The following OSR1 variants were observed in gnomAD, a reference collection of about 807,000 sequenced individuals.
OSR1 encodes protein odd-skipped-related 1.
In OSR1, 3 loss-of-function variants were observed where a neutral mutation model predicts 15.7. That is an observed-to-expected ratio of 0.19 (90% confidence interval 0.09 to 0.50). OSR1 has a LOEUF of 0.50. OSR1 is among the 20% of genes least tolerant of loss of function. The pLI is 0.97. For synonymous variants in OSR1, 166 were observed against 152.7 expected, an observed-to-expected ratio of 1.09 and a Z score of -0.64; for missense variants, 271 against 351.1, an observed-to-expected ratio of 0.77 and a Z score of 1.82.
Position 19,352,419 on chromosome 2 carries a change from A to C in OSR1, c.666-9T>G. The C allele has an allele frequency of 6.2e-7, 1 of 1,613,852 alleles. No individual in the cohort carries two copies. The highest frequency in any genetic ancestry group is 8.5e-7 in the Non-Finnish European group (1 of 1,179,820). ...CTTTGGAGTGAATATATCTGAGGGC[A>C]GAAACAGAGAGTTCATCCTTGCAAA... On this transcript the variant is annotated splice_polypyrimidine_tract_variant and intron_variant, in intron 2 of 2. Coordinates refer to ENST00000272223, the MANE Select transcript of OSR1 (RefSeq NM_145260.3).
intron 2 of OSR1, 89 bp from the exon 3 acceptor site, chr2:19,352,499 C>T: frequency 1.4e-6 from 2 of 1,475,164 alleles, no homozygotes; most frequent in Non-Finnish European, 1.9e-6. Flanking sequence ...CTGTGGGGCA[C>T]TTGCCCTCAA....
chr2:19,356,470 T>C (rs1056668497), intron 1 of OSR1: 18 of 152,174 alleles, frequency 1.2e-4, no homozygotes, highest in African/African-American at 4.1e-4. Context: ...TTTACACTAG[T>C]ATCAAGAATG....
In OSR1 at chr2:19,357,246, C is replaced by T. The variant is rs552942670; in HGVS notation, c.-33+1095G>A. Among the ~76,000 whole-genome samples the T allele has an allele frequency of 4.5e-4, 69 of 152,336 alleles. No individual in the cohort carries two copies. The highest frequency in any genetic ancestry group is 1.6e-3 in the African/African-American group (68 of 41,578). On this transcript the variant is annotated intron_variant, in intron 1 of 2. Coordinates refer to ENST00000272223, the MANE Select transcript of OSR1 (RefSeq NM_145260.3). The surrounding 1 kb of genome is among the most constrained non-coding windows in gnomAD (Gnocchi z 5.0). The stretch of plus-strand genomic sequence containing the variant: ...GCCGCCGGTCGCTGCTAGTCCCCTC[C>T]AGCGCTTCTCTTCCCTAGGGGGTTG...
In OSR1 at chr2:19,353,126, C is replaced by T. The variant is rs757243008; in HGVS notation, c.665+15G>A. On this transcript the variant is annotated intron_variant, in intron 2 of 2. Transcript: ENST00000272223. Reference sequence around the variant, plus strand: ...AGGCAGAGAGCTCTCTCTTGCGCCACCCGCAGTGCCGCACCTGTGGTCTCG... The same window carrying T: ...AGGCAGAGAGCTCTCTCTTGCGCCATCCGCAGTGCCGCACCTGTGGTCTCG... The T allele has an allele frequency of 8.1e-6, 13 of 1,611,278 alleles. No homozygotes were observed. The Admixed American group carries it at 1.5e-4, about 19-fold the overall frequency.
downstream of OSR1, among the ~76,000 whole-genome samples, chr2:19,349,884 A>G (rs1339995698): frequency 6.6e-6 from 1 of 152,172 alleles, no homozygotes; most frequent in African/African-American, 2.4e-5. Flanking sequence ...GAAACCAAGG[A>G]AGATTCTGCA....
intron 1 of OSR1, chr2:19,355,120 T>C (rs1664923709): frequency 1.3e-5 from 2 of 152,278 alleles, no homozygotes; most frequent in Admixed American, 1.3e-4. Flanking sequence ...GAGCAAAGTC[T>C]AAACTGTCAG....
rs771630452 is a variant in OSR1, at chr2:19,353,209, G to A, written c.597C>T (p.Asp199=). The change falls in exon 2 of 3, where the codon GAC becomes GAT. Residue 199 remains aspartate (D), a synonymous_variant. Transcript: ENST00000272223. ...AGATGTCACAGGTGTAGGGCCGCTC[G>A]TCGGTGTGCGTCCGCTCATGGATAA... The part of the protein sequence containing the change: ...NLLIHERTHT[D]ERPYTCDICH... The A allele has an allele frequency of 1.9e-6, 3 of 1,614,256 alleles. No homozygotes were observed. Among genetic ancestry groups the A allele is most frequent in the Admixed American group, 1.7e-5 (1 of 60,030 alleles).
chr2:19,348,696 G>C (rs1306380395), downstream of OSR1, among the ~76,000 whole-genome samples: 1 of 152,084 alleles, frequency 6.6e-6, no homozygotes, highest in Non-Finnish European at 1.5e-5. Context: ...TTTTTTAGTG[G>C]GTCCCTAACC....
In OSR1 at chr2:19,353,245, G is replaced by A. The variant is rs76725324; in HGVS notation, c.561C>T (p.Ser187=). The change falls in exon 2 of 3, where the codon TCC becomes TCT. Residue 187 remains serine (S), a synonymous_variant. Coordinates refer to ENST00000272223, the MANE Select transcript of OSR1 (RefSeq NM_145260.3). ...TCCGCTCATGGATAAGTAGGTTGTA[G>A]GACTTGGTGAAGTGGCGGCCACAGA... The part of the protein sequence containing the change: ...CKFCGRHFTK[S]YNLLIHERTH... 35 of 1,614,104 alleles carry A rather than the reference G, an allele frequency of 2.2e-5. No homozygotes were observed. Among genetic ancestry groups the A allele is most frequent in the Non-Finnish European group, 2.8e-5 (33 of 1,180,052 alleles).
intron 1 of OSR1, chr2:19,356,830 A>G (rs1664960276): frequency 6.6e-6 from 1 of 152,280 alleles, no homozygotes; most frequent in South Asian, 2.1e-4. Flanking sequence ...GTCTGCGGCC[A>G]GTCCTATGCT....
intron 1 of OSR1, 178 bp from the exon 2 acceptor site, chr2:19,354,015 A>C: frequency 1.8e-6 from 1 of 557,440 alleles, no homozygotes; most frequent in Non-Finnish European, 3.1e-6. Flanking sequence ...GGAATGTAAG[A>C]CGCAGGGGAG....
Position 19,351,853 on chromosome 2 carries a change from G to C in OSR1, c.*422C>G, listed in dbSNP as rs190152542. ...GGGAGCTGCCAGTGCTAAGGACTTC[G>C]TTGCCTCTCCTCTCTCCACTCACTC... On this transcript the variant is annotated 3_prime_UTR_variant, in exon 3 of 3. Transcript: ENST00000272223. 5.0e-4 allele frequency: 78 copies of C among 155,988 alleles called. No individual in the cohort carries two copies. The highest frequency in any genetic ancestry group is 7.0e-4 in the Non-Finnish European group (49 of 70,364). 9.7% of individuals were successfully genotyped at this position (155,988 alleles called of 1,614,324 possible).
downstream of OSR1, among the ~76,000 whole-genome samples, chr2:19,348,853 G>A (rs969387927): frequency 6.6e-6 from 1 of 152,128 alleles, no homozygotes. Flanking sequence ...AGGGTCTCTG[G>A]CACCTTCCGC....
Position 19,352,263 on chromosome 2 carries a change from C to G in OSR1, c.*12G>C. The stretch of plus-strand genomic sequence containing the variant: ...CGCTGGGCCTAGGGTCCTTGTGACC[C>G]ACAGGTTCTATTTAGCATTTGATCT... On this transcript the variant is annotated 3_prime_UTR_variant, in exon 3 of 3. Coordinates refer to ENST00000272223, the MANE Select transcript of OSR1 (RefSeq NM_145260.3). 1 of 1,613,916 alleles carries G rather than the reference C, an allele frequency of 6.2e-7. No individual in the cohort carries two copies. The highest frequency in any genetic ancestry group is 1.1e-5 in the South Asian group (1 of 91,056).
At chr2:19,347,772 G>C (rs1001234363), downstream of OSR1, among the ~76,000 whole-genome samples, 1 of 152,224 alleles carries the variant, frequency 6.6e-6, no homozygotes, top group Non-Finnish European at 1.5e-5. Flanking sequence ...ACCCTCGCCA[G>C]CTCAGATCCC....
rs1002819111 is a variant in OSR1, at chr2:19,357,618, G to C, written c.-33+723C>G. Reference sequence around the variant, plus strand: ...CTAGGGCTCCACAGAGTTTCCACTAGTGCTGTGTGTGGGTCTCGAATTGGA... The same window carrying C: ...CTAGGGCTCCACAGAGTTTCCACTACTGCTGTGTGTGGGTCTCGAATTGGA... On this transcript the variant is annotated intron_variant, in intron 1 of 2. Transcript: ENST00000272223. The surrounding 1 kb of genome is among the most constrained non-coding windows in gnomAD (Gnocchi z 5.0). 1.3e-5 allele frequency: 2 copies of C among 152,204 alleles called. No homozygotes were observed. The highest frequency in any genetic ancestry group is 2.9e-5 in the Non-Finnish European group (2 of 68,068). 9.4% of individuals were successfully genotyped at this position (152,204 alleles called of 1,614,324 possible). A position where few individuals can be genotyped will look rare whatever the true frequency, so the allele number is the denominator to read the frequency against.
chr2:19,347,966 C>T (rs531446244), downstream of OSR1, among the ~76,000 whole-genome samples: 2 of 152,384 alleles, frequency 1.3e-5, no homozygotes, highest in East Asian at 3.9e-4. Flanking sequence ...AAACACTGAA[C>T]TCCGCGACGA....
intron 1 of OSR1, chr2:19,356,763 G>A (rs535322363): frequency 1.3e-5 from 2 of 152,390 alleles, no homozygotes; most frequent in African/African-American, 2.4e-5. Context: ...TCGGGATCCC[G>A]AGTCCCTGCG....
downstream of OSR1, among the ~76,000 whole-genome samples, chr2:19,348,147 CT>C (rs1558357610): frequency 1.3e-5 from 2 of 152,080 alleles, no homozygotes; most frequent in Admixed American, 6.5e-5. Flanking sequence ...GCGGCAACTG[CT>C]GCCCTGAAAC....
Sources: allele counts gnomAD v4.1 joint callset (sites outside exome capture counted in the v4.1 genomes callset), GRCh38; gene constraint gnomAD v4.1.1; non-coding constraint Gnocchi (gnomAD v3.1); transcripts MANE v1.5; gene names NCBI Gene and HGNC (gene_info 2026-07-23, HGNC 2026-07-21).